JMJD1C: variants seen among roughly 807,000 people sequenced by gnomAD.
JMJD1C encodes jumonji domain-containing protein 1C.
A neutral mutation model predicts 245.3 loss-of-function variants in JMJD1C; 31 were observed. That is an observed-to-expected ratio of 0.13 (90% CI 0.09 to 0.17). The LOEUF is 0.17. Ranked by LOEUF, JMJD1C falls within the 10% of genes least tolerant of loss-of-function variation. The pLI, the probability that JMJD1C is intolerant of heterozygous loss-of-function variation, is 1.00. For missense variants in JMJD1C, 2,691 were observed against 3,000.2 expected (o/e 0.90, Z 2.41); for synonymous variants, 1,057 against 1,017.4 (o/e 1.04, Z -0.74).
intron 1 of JMJD1C, among the ~76,000 whole-genome samples, chr10:63,437,274 T>C (rs1045226841): frequency 3.3e-5 from 5 of 152,320 alleles, no homozygotes; most frequent in African/African-American, 1.2e-4. Context: ...CCTTATTTCA[T>C]TCAATCTTTA....
intron 2 of JMJD1C, among the ~76,000 whole-genome samples, chr10:63,295,893 A>G (rs1859314827): frequency 6.7e-6 from 1 of 150,148 alleles, no homozygotes; most frequent in Non-Finnish European, 1.5e-5. Flanking sequence ...ATATGTATAT[A>G]TATATACATG....
At chr10:63,395,033 C>A (rs557337258) in intron 1 of JMJD1C, among the ~76,000 whole-genome samples, 2 of 152,002 alleles carry the variant, frequency 1.3e-5, no homozygotes, top group African/African-American at 2.4e-5. Context: ...AAAATTAATT[C>A]AAAAATATGG....
intron 2 of JMJD1C, among the ~76,000 whole-genome samples, chr10:63,367,069 G>C (rs921785686): frequency 4.6e-5 from 7 of 152,118 alleles, no homozygotes; most frequent in Non-Finnish European, 1.0e-4. Flanking sequence ...TCCCAGCTGG[G>C]TGTAAATCTT....
At chr10:63,379,707 C>T (rs1947057149) in intron 2 of JMJD1C, among the ~76,000 whole-genome samples, 1 of 152,186 alleles carries the variant, frequency 6.6e-6, no homozygotes, top group Admixed American at 6.5e-5. Flanking sequence ...TCAACTATCT[C>T]TCAGGTCCCT....
intron 1 of JMJD1C, among the ~76,000 whole-genome samples, chr10:63,454,016 C>T (rs1487384110): frequency 6.6e-6 from 1 of 152,212 alleles, no homozygotes; most frequent in East Asian, 1.9e-4. Flanking sequence ...AGCCACTGCA[C>T]CCGGCCTCCA....
intron 3 of JMJD1C, among the ~76,000 whole-genome samples, chr10:63,242,226 T>G (rs2133516359): frequency 6.6e-6 from 1 of 152,252 alleles, no homozygotes; most frequent in Admixed American, 6.5e-5. Flanking sequence ...TATTCAGCAT[T>G]TAGAGGCTAA....
chr10:63,505,783 C>T (rs1436431117), intron 1 of JMJD1C, among the ~76,000 whole-genome samples: 1 of 150,904 alleles, frequency 6.6e-6, no homozygotes, highest in Non-Finnish European at 1.5e-5. Context: ...GCAAATAGAG[C>T]TTTTAAACAC....
chr10:63,273,733 G>C (rs964429707), intron 2 of JMJD1C, among the ~76,000 whole-genome samples: 3 of 152,092 alleles, frequency 2.0e-5, no homozygotes, highest in African/African-American at 7.2e-5. Flanking sequence ...TCCAGTTACT[G>C]CCCAGAAATA....
At chr10:63,173,411 A>G (rs76679817) in intron 24 of JMJD1C, among the ~76,000 whole-genome samples, 42 of 152,320 alleles carry the variant, frequency 2.8e-4, no homozygotes, top group African/African-American at 9.4e-4. Flanking sequence ...GAAACTGATC[A>G]ACTGGACCTC....
chr10:63,307,505 G>A (rs544298364), intron 2 of JMJD1C, among the ~76,000 whole-genome samples: 1 of 152,162 alleles, frequency 6.6e-6, no homozygotes. Context: ...GGCAAAGTGG[G>A]TAGAAACAGA....
chr10:63,352,595 G>A (rs889531986), intron 2 of JMJD1C, among the ~76,000 whole-genome samples: 10 of 142,394 alleles, frequency 7.0e-5, no homozygotes, highest in South Asian at 2.2e-4. Flanking sequence ...CCAAGATAGA[G>A]CCACTGCACT....
intron 3 of JMJD1C, among the ~76,000 whole-genome samples, chr10:63,248,518 C>G (rs960896025): frequency 8.6e-5 from 5 of 57,806 alleles, no homozygotes; most frequent in South Asian, 6.5e-4. Flanking sequence ...GAGACCTCAT[C>G]TCAATAGATA....
chr10:63,478,984 C>A (rs1953747141), intron 1 of JMJD1C, among the ~76,000 whole-genome samples: 1 of 152,232 alleles, frequency 6.6e-6, no homozygotes, highest in Middle Eastern at 3.4e-3. Context: ...TGAACAAAAA[C>A]CACTAATAAA....
chr10:63,244,770 C>G (rs1851950758), intron 3 of JMJD1C, among the ~76,000 whole-genome samples: 2 of 143,394 alleles, frequency 1.4e-5, no homozygotes, highest in Non-Finnish European at 3.0e-5. Context: ...CCACTGCATT[C>G]CACATCACCC....
At chr10:63,240,330 A>G (rs1458746912) in intron 3 of JMJD1C, among the ~76,000 whole-genome samples, 1 of 152,340 alleles carries the variant, frequency 6.6e-6, no homozygotes, top group African/African-American at 2.4e-5. Flanking sequence ...GAACAAACAT[A>G]CAGCAAAGAC....
intron 2 of JMJD1C, among the ~76,000 whole-genome samples, chr10:63,363,370 T>C (rs897044905): frequency 1.8e-4 from 28 of 151,686 alleles, no homozygotes; most frequent in Middle Eastern, 3.4e-3. Flanking sequence ...GCAATTCTCT[T>C]GCCTCAGCCT....
intron 24 of JMJD1C, among the ~76,000 whole-genome samples, chr10:63,175,764 A>C (rs1380273754): frequency 6.6e-6 from 1 of 151,674 alleles, no homozygotes; most frequent in Non-Finnish European, 1.5e-5. Flanking sequence ...TTTTAATCCC[A>C]CCCTCCATAA....
At chr10:63,460,976 G>A (rs1952754652) in intron 1 of JMJD1C, among the ~76,000 whole-genome samples, 1 of 152,042 alleles carries the variant, frequency 6.6e-6, no homozygotes, top group African/African-American at 2.4e-5. Flanking sequence ...TAAAATATGT[G>A]CCAGAACATA....
intron 2 of JMJD1C, among the ~76,000 whole-genome samples, chr10:63,295,701 T>C (rs1859294929): frequency 6.6e-6 from 1 of 152,108 alleles, no homozygotes; most frequent in African/African-American, 2.4e-5. Context: ...GTACAATTGA[T>C]TCTTGTTATG....
Sources: gnomAD v4.1 joint callset for allele counts (sites outside exome capture counted in the v4.1 genomes callset) on GRCh38, gnomAD v4.1.1 for gene constraint, MANE v1.5 for transcripts, NCBI Gene and HGNC (gene_info 2026-07-23, HGNC 2026-07-21) for gene names.